The following TLL1 variants were observed in gnomAD, a reference collection of about 807,000 sequenced individuals.
TLL1 encodes tolloid like 1.
A neutral mutation model predicts 128.2 loss-of-function variants in TLL1; 49 were observed. That is an observed-to-expected ratio of 0.38 (90% CI 0.30 to 0.48). The LOEUF (loss-of-function observed/expected upper bound fraction) is 0.48. Among genes scored for constraint, TLL1 ranks in the 20% least tolerant of loss-of-function variants. TLL1 has a pLI of 0.96. For missense variants in TLL1, 1,123 were observed against 1,242.0 expected (o/e 0.90, Z 1.44); for synonymous variants, 454 against 418.8 (o/e 1.08, Z -1.03).
At chr4:165,926,080 G>A (rs961188948) in intron 1 of TLL1, among the ~76,000 whole-genome samples, 1 of 152,104 alleles carries the variant, frequency 6.6e-6, no homozygotes, top group African/African-American at 2.4e-5. Flanking sequence ...ACTTTATTGT[G>A]GTAGTCTGGA....
At position 165,964,242 on chromosome 4, in the gene TLL1, T is replaced by C. The variant is rs73863505; in HGVS notation, c.170-25139T>C. Among the ~76,000 whole-genome samples, 792 of 152,322 alleles carry C rather than the reference T, an allele frequency of 5.2e-3. 12 individuals carry two copies. The highest frequency in any genetic ancestry group is 0.018 in the African/African-American group (737 of 41,572). On this transcript the variant is annotated intron_variant, in intron 1 of 20. Transcript: ENST00000061240. ...GAGTTTCAATATCTTCATCAGTTTT[T>C]CAAAATCAGGGGAAAATAACTGAAT...
chr4:165,908,289 C>A (rs115375603), intron 1 of TLL1, among the ~76,000 whole-genome samples: 2,627 of 152,198 alleles, frequency 0.017, 89 homozygotes, highest in African/African-American at 0.061. Flanking sequence ...CATTGTAGCA[C>A]CCCTTAAATA....
At chr4:166,017,798 G>T (rs1456266648) in intron 8 of TLL1, among the ~76,000 whole-genome samples, 1 of 151,770 alleles carries the variant, frequency 6.6e-6, no homozygotes, top group Admixed American at 6.6e-5. Flanking sequence ...AGTTAGCTTT[G>T]AGCCCTACAT....
intron 9 of TLL1, among the ~76,000 whole-genome samples, chr4:166,028,997 A>T (rs900109571): frequency 6.6e-6 from 1 of 151,802 alleles, no homozygotes; most frequent in Non-Finnish European, 1.5e-5. Flanking sequence ...TATACAGTCC[A>T]GTTTATTTTT....
chr4:166,038,971 C>T (rs551263907), intron 9 of TLL1, among the ~76,000 whole-genome samples: 1 of 152,044 alleles, frequency 6.6e-6, no homozygotes, highest in Non-Finnish European at 1.5e-5. Context: ...AAATAGAATT[C>T]TTCATGGCTC....
intron 1 of TLL1, among the ~76,000 whole-genome samples, chr4:165,984,565 A>T (rs144482105): frequency 3.3e-5 from 5 of 151,972 alleles, no homozygotes; most frequent in African/African-American, 1.2e-4. Flanking sequence ...ACATGACATC[A>T]TCTTTCCTCC....
Position 165,890,676 on chromosome 4 carries a change from T to C in TLL1, c.169+16603T>C, listed in dbSNP as rs567593930. Among the ~76,000 whole-genome samples the C allele has an allele frequency of 1.2e-4, 18 of 152,328 alleles. 1 individual carries two copies. The South Asian group carries it at 2.1e-3, about 18-fold the overall frequency. On this transcript the variant is annotated intron_variant, in intron 1 of 20. Coordinates refer to ENST00000061240, the MANE Select transcript of TLL1 (RefSeq NM_012464.5). ...TCCCATGGCCTTGGGCAGCTCTGCC[T>C]CTATGGCTTTGCTGGGTACAGCTTC... is the stretch of plus-strand genomic sequence containing the variant.
intron 1 of TLL1, among the ~76,000 whole-genome samples, chr4:165,885,812 C>G (rs546313207): frequency 3.3e-5 from 5 of 152,214 alleles, no homozygotes; most frequent in African/African-American, 1.2e-4. Flanking sequence ...AGAAGAAGAA[C>G]TATAGGCAAC....
At chr4:165,910,604 T>C (rs1328056149) in intron 1 of TLL1, among the ~76,000 whole-genome samples, 2 of 152,188 alleles carry the variant, frequency 1.3e-5, no homozygotes, top group Admixed American at 6.5e-5. Context: ...TTGTAACTAG[T>C]GTATAGAAGA....
chr4:165,978,701 G>A (rs368630522), intron 1 of TLL1, among the ~76,000 whole-genome samples: 3 of 152,098 alleles, frequency 2.0e-5, no homozygotes, highest in South Asian at 2.1e-4. Context: ...ATGTGCATAC[G>A]TTCATTTGTT....
intron 1 of TLL1, among the ~76,000 whole-genome samples, chr4:165,964,641 G>A (rs945421270): frequency 1.3e-5 from 2 of 152,184 alleles, no homozygotes; most frequent in African/African-American, 2.4e-5. Flanking sequence ...GTACAGTCAA[G>A]GCTAGGTGTG....
chr4:166,043,252 T>C, intron 11 of TLL1, 22 bp from the exon 12 acceptor site: 1 of 1,614,000 alleles, frequency 6.2e-7, no homozygotes, highest in Non-Finnish European at 8.5e-7. Context: ...TAGTTATTTG[T>C]TTATTTTTTG....
intron 18 of TLL1, among the ~76,000 whole-genome samples, chr4:166,080,178 C>T (rs76196132): frequency 0.051 from 7,732 of 152,120 alleles, 308 homozygotes; most frequent in African/African-American, 0.097. Flanking sequence ...ATATGGCCTC[C>T]ACCTCACTGT....
At chr4:165,881,625 G>A (rs1579436211) in intron 1 of TLL1, among the ~76,000 whole-genome samples, 1 of 152,242 alleles carries the variant, frequency 6.6e-6, no homozygotes, top group Admixed American at 6.5e-5. Flanking sequence ...TTAGTGCAGG[G>A]CCTCCTCCTT....
chr4:166,096,575 G>C (rs1742033653), intron 19 of TLL1, among the ~76,000 whole-genome samples: 1 of 151,956 alleles, frequency 6.6e-6, no homozygotes, highest in Admixed American at 6.6e-5. Flanking sequence ...TCTGGATCCT[G>C]GTCTTTGTGG....
chr4:166,067,473 G>A (rs1740621652), intron 16 of TLL1, among the ~76,000 whole-genome samples: 1 of 151,636 alleles, frequency 6.6e-6, no homozygotes, highest in Non-Finnish European at 1.5e-5. Context: ...TGCAGAAGAT[G>A]CTGTTCTCCA....
chr4:165,873,765 G>T lies in TLL1; in HGVS notation c.-140G>T. 1.2e-6 allele frequency: 1 copy of T among 838,814 alleles called. No homozygotes were observed. Among genetic ancestry groups the T allele is most frequent in the East Asian group, 2.5e-5 (1 of 39,884 alleles). The allele number at this position is 838,814 out of a possible 1,614,324, so 52.0% of individuals were successfully genotyped here. ...TCCCGGCGGCATCCACATGTTTCCG[G>T]ACACCTGAGCACCCCGGTCCCGCCG... On this transcript the variant is annotated 5_prime_UTR_variant, in exon 1 of 21. Coordinates refer to ENST00000061240, the MANE Select transcript of TLL1 (RefSeq NM_012464.5).
chr4:166,044,388 G>C (rs956791155), intron 12 of TLL1: 5 of 1,535,432 alleles, frequency 3.3e-6, no homozygotes, highest in Admixed American at 3.9e-5. Context: ...AGAATCCAGG[G>C]ATTGCCAGTA....
intron 19 of TLL1, among the ~76,000 whole-genome samples, chr4:166,098,816 G>A (rs145388652): frequency 3.9e-5 from 6 of 152,034 alleles, no homozygotes; most frequent in South Asian, 2.1e-4. Flanking sequence ...AAATTGTTAC[G>A]ATTAAACTTG....
Sources: allele counts gnomAD v4.1 joint callset (sites outside exome capture counted in the v4.1 genomes callset), GRCh38; gene constraint gnomAD v4.1.1; transcripts MANE v1.5; gene names NCBI Gene and HGNC (gene_info 2026-07-23, HGNC 2026-07-21).